The following PER2 variants were observed in gnomAD, a reference collection of about 807,000 sequenced individuals.
PER2 encodes period circadian protein homolog 2.
Under a neutral mutation model 121.0 loss-of-function variants are expected in PER2, and 66 were observed. The observed-to-expected ratio is 0.55, with a 90% CI of 0.45 to 0.67. The LOEUF (loss-of-function observed/expected upper bound fraction) is 0.67, where lower values mean the gene tolerates loss of function less well. Among genes scored for constraint, PER2 ranks in the 30% least tolerant of loss-of-function variants. The pLI, the probability that PER2 is intolerant of heterozygous loss-of-function variation, is 0.00. For missense variants in PER2, 1,521 were observed against 1,635.0 expected, an observed-to-expected ratio of 0.93 and a Z score of 1.20; for synonymous variants, 684 against 659.9, an observed-to-expected ratio of 1.04 and a Z score of -0.56.
intron 4 of PER2, among the ~76,000 whole-genome samples, chr2:238,275,291 T>A (rs1696418169): frequency 2.0e-5 from 3 of 152,186 alleles, no homozygotes; most frequent in African/African-American, 7.2e-5. Context: ...GCACCTTCCT[T>A]TCCCACCCTG....
intron 9 of PER2, among the ~76,000 whole-genome samples, chr2:238,264,943 C>T (rs1399009776): frequency 6.6e-6 from 1 of 152,166 alleles, no homozygotes; most frequent in Non-Finnish European, 1.5e-5. Context: ...CCTAGCCGGC[C>T]CAAGTGTTTT....
chr2:238,247,742 G>T (rs1040569777), intron 22 of PER2, among the ~76,000 whole-genome samples: 4 of 152,250 alleles, frequency 2.6e-5, no homozygotes, highest in African/African-American at 9.6e-5. Context: ...GGCCAGTGTA[G>T]CTGGAGAGGA....
intron 3 of PER2, 47 bp from the exon 4 acceptor site, chr2:238,275,944 T>C (rs375084423): frequency 2.1e-5 from 34 of 1,607,054 alleles, no homozygotes; most frequent in Admixed American, 1.3e-4. Context: ...TTCCTAGGTG[T>C]CCTTTCCTGA....
At chr2:238,250,847 C>T in intron 20 of PER2, 104 bp from the exon 21 acceptor site, 1 of 786,182 alleles carries the variant, frequency 1.3e-6, no homozygotes, top group Non-Finnish European at 2.2e-6. Context: ...AGCCCAGTGC[C>T]TTCTTAGGTA....
rs537566683 is a variant in PER2 at position 238,265,438 on chromosome 2, G to A, written c.1046+74C>T. On this transcript the variant is annotated intron_variant, in intron 9 of 22. Coordinates refer to ENST00000254657, the MANE Select transcript of PER2 (RefSeq NM_022817.3). ...CATTATCATGTAATTATAAAACCAA[G>A]ATGCAGTCTTGGCTTTGGCTAAATA... The A allele has an allele frequency of 1.2e-5, 10 of 867,946 alleles. No individual in the cohort carries two copies. The East Asian group carries it at 1.9e-4, about 17-fold the overall frequency. 53.8% of individuals were successfully genotyped at this position (867,946 alleles called of 1,614,324 possible).
At position 238,288,359 on chromosome 2, in the gene PER2, T is replaced by G. The variant is rs1696853100; in HGVS notation, c.-30A>C. The G allele has an allele frequency of 6.6e-6, 1 of 152,146 alleles. No homozygotes were observed. The highest frequency in any genetic ancestry group is 1.5e-5 in the Non-Finnish European group (1 of 68,038). 9.4% of individuals were successfully genotyped at this position (152,146 alleles called of 1,614,324 possible). On this transcript the variant is annotated 5_prime_UTR_variant, in exon 1 of 23. Coordinates refer to ENST00000254657, the MANE Select transcript of PER2 (RefSeq NM_022817.3). ...CACACGCTGCCTCACCTTTCGGACC[T>G]CAGGCTCCTGAGCTGCGAAGCGGGG...
chr2:238,248,373 A>AG (rs986362305), intron 22 of PER2, among the ~76,000 whole-genome samples: 1 of 152,206 alleles, frequency 6.6e-6, no homozygotes, highest in African/African-American at 2.4e-5. Context: ...GAGTGCCCAC[A>AG]GGGCCGCTGG....
At chr2:238,257,544 G>A (rs1028760541) in intron 16 of PER2, among the ~76,000 whole-genome samples, 5 of 152,196 alleles carry the variant, frequency 3.3e-5, no homozygotes, top group Admixed American at 6.5e-5. Context: ...TGCAATCTTG[G>A]CTCACTGCAA....
intron 1 of PER2, among the ~76,000 whole-genome samples, 152 bp downstream of exon 1, chr2:238,288,197 C>A (rs576224125): frequency 1.5e-4 from 23 of 152,344 alleles, no homozygotes; most frequent in African/African-American, 5.5e-4. Context: ...CCCCGAGGGT[C>A]CTCCAGATCC....
intron 1 of PER2, among the ~76,000 whole-genome samples, chr2:238,286,320 C>T (rs372669517): frequency 2.0e-5 from 3 of 152,188 alleles, no homozygotes; most frequent in Non-Finnish European, 2.9e-5. Context: ...GGGTTCAGCA[C>T]GGCAGCTCAC....
chr2:238,294,258 G>A (rs1697008218), upstream of PER2, among the ~76,000 whole-genome samples: 1 of 152,214 alleles, frequency 6.6e-6, no homozygotes, highest in South Asian at 2.1e-4. Flanking sequence ...CGTCCTGCAA[G>A]GCTGTTGCCT....
intron 1 of PER2, among the ~76,000 whole-genome samples, chr2:238,278,365 CA>C: frequency 6.6e-6 from 1 of 152,306 alleles, no homozygotes; most frequent in South Asian, 2.1e-4. Flanking sequence ...CACACGCAGC[CA>C]AAACTGCCCT....
intron 1 of PER2, among the ~76,000 whole-genome samples, chr2:238,282,384 G>T (rs1443522886): frequency 6.6e-6 from 1 of 152,124 alleles, no homozygotes; most frequent in African/African-American, 2.4e-5. Flanking sequence ...TTTACTGCCT[G>T]CCTCCCCTCT....
the PER2 span, among the ~76,000 whole-genome samples, chr2:238,298,165 G>C: frequency 3.3e-5 from 5 of 151,736 alleles, no homozygotes; most frequent in Non-Finnish European, 7.4e-5. Flanking sequence ...CTCCAGAGTA[G>C]CTGGGACTAC....
upstream of PER2, among the ~76,000 whole-genome samples, chr2:238,294,957 C>T (rs1260319764): frequency 6.6e-6 from 1 of 152,252 alleles, no homozygotes; most frequent in African/African-American, 2.4e-5. Flanking sequence ...GGCTGGGGTG[C>T]AGGTCCATCT....
chr2:238,255,005 C>T (rs925880397), intron 18 of PER2: 3 of 151,236 alleles, frequency 2.0e-5, no homozygotes, highest in African/African-American at 7.7e-5. Context: ...GAGGCCCCAT[C>T]TCTAACAAGT....
At chr2:238,295,885 C>G in the PER2 span, 3 of 211,540 alleles carry the variant, frequency 1.4e-5, no homozygotes, top group Non-Finnish European at 2.9e-5. Flanking sequence ...CCCTCTGGCC[C>G]TGCTGCCACC....
At position 238,253,079 on chromosome 2, in the gene PER2, G is replaced by A. The variant is rs1317128830; in HGVS notation, c.2944C>T (p.Gln982Ter). ...TGCAGGGGCGAGCTGCTGCGGGACT[G>A]AAAGAGCGGTGGGGAGGCCCTACCC... ...AMGRASPPLFQSRSSSPLQLN... is the reference protein window; with the variant it reads ...AMGRASPPLF The change falls in exon 19 of 23, where the codon CAG becomes TAG. Residue 982 changes from glutamine (Q) to a stop codon, truncating the protein, a stop_gained. Coordinates refer to ENST00000254657, the MANE Select transcript of PER2 (RefSeq NM_022817.3). LOFTEE classifies it high-confidence loss of function. This position sits in a 1 kb window ranked among gnomAD's most constrained non-coding sequence, Gnocchi z 5.6. 2 of 1,612,322 alleles carry A rather than the reference G, an allele frequency of 1.2e-6. No individual in the cohort carries two copies. The highest frequency in any genetic ancestry group is 1.7e-5 in the Admixed American group (1 of 59,988).
chr2:238,265,253 T>C (rs1696058673), intron 9 of PER2, among the ~76,000 whole-genome samples: 1 of 152,160 alleles, frequency 6.6e-6, no homozygotes, highest in South Asian at 2.1e-4. Context: ...GTCTGGACCA[T>C]TATCCACTCC....
Sources: allele counts gnomAD v4.1 joint callset (sites outside exome capture counted in the v4.1 genomes callset), GRCh38; gene constraint gnomAD v4.1.1; non-coding constraint Gnocchi (gnomAD v3.1); transcripts MANE v1.5; gene names NCBI Gene and HGNC (gene_info 2026-07-23, HGNC 2026-07-21).